NT5C2: variants seen among roughly 807,000 people sequenced by gnomAD.
NT5C2 encodes the protein cytosolic purine 5'-nucleotidase.
In NT5C2, 58 loss-of-function variants were observed where a neutral mutation model predicts 76.1. That is an observed-to-expected ratio of 0.76 (90% CI 0.62 to 0.95). The LOEUF is 0.95. Among genes scored for constraint, NT5C2 ranks in the 40% least tolerant of loss-of-function variants. The pLI is 0.00. For synonymous variants in NT5C2, 229 were observed against 237.4 expected (o/e 0.96, Z 0.32); for missense variants, 478 against 690.3 (o/e 0.69, Z 3.45).
chr10:103,184,643 GC>G (rs937177990), intron 1 of NT5C2, among the ~76,000 whole-genome samples: 47 of 152,302 alleles, frequency 3.1e-4, no homozygotes, highest in East Asian at 7.7e-4. Flanking sequence ...CTTTTCAGAA[GC>G]CTATTTTTGT....
At chr10:103,109,743 A>G (rs2072430894) in intron 4 of NT5C2, among the ~76,000 whole-genome samples, 1 of 152,198 alleles carries the variant, frequency 6.6e-6, no homozygotes, top group South Asian at 2.1e-4. Context: ...TTAGGTAACT[A>G]TAGAGCAATG....
At chr10:103,104,974 A>G (rs2070822794) in intron 6 of NT5C2, among the ~76,000 whole-genome samples, 1 of 152,226 alleles carries the variant, frequency 6.6e-6, no homozygotes, top group African/African-American at 2.4e-5. Context: ...GTGGCATAAC[A>G]GTAGAGAAAA....
At chr10:103,130,624 A>T (rs569671433) in intron 4 of NT5C2, among the ~76,000 whole-genome samples, 2 of 151,088 alleles carry the variant, frequency 1.3e-5, no homozygotes, top group African/African-American at 2.4e-5. Context: ...ACAAGTTTAG[A>T]ATTATTATAT....
intron 11 of NT5C2, 87 bp from the exon 12 acceptor site, chr10:103,096,067 ATG>A: frequency 9.9e-7 from 1 of 1,011,718 alleles, no homozygotes; most frequent in East Asian, 2.4e-5. Flanking sequence ...TTCACAAAAC[ATG>A]TCTTTTTCAA....
intron 4 of NT5C2, among the ~76,000 whole-genome samples, chr10:103,114,820 T>G (rs945383219): frequency 2.0e-5 from 3 of 152,232 alleles, no homozygotes; most frequent in Non-Finnish European, 2.9e-5. Flanking sequence ...CGTCTGAATC[T>G]GATTTCTTCA....
intron 4 of NT5C2, among the ~76,000 whole-genome samples, chr10:103,113,539 CCTATA>C (rs1376798213): frequency 1.3e-5 from 2 of 151,676 alleles, no homozygotes; most frequent in Non-Finnish European, 1.5e-5. Flanking sequence ...CACTCAAATG[CCTATA>C]CTAAAGTTAG....
intron 3 of NT5C2, among the ~76,000 whole-genome samples, chr10:103,142,161 GA>G (rs1203929931): frequency 6.6e-6 from 1 of 152,072 alleles, no homozygotes; most frequent in Non-Finnish European, 1.5e-5. Flanking sequence ...ATGGGGGAAG[GA>G]GCAATAAAAG....
intron 4 of NT5C2, among the ~76,000 whole-genome samples, chr10:103,129,392 T>C (rs1248637480): frequency 1.2e-5 from 1 of 82,608 alleles, no homozygotes; most frequent in Non-Finnish European, 2.4e-5. Context: ...GTCTGGGAGG[T>C]GAGGGGCGCC....
intron 3 of NT5C2, among the ~76,000 whole-genome samples, chr10:103,157,224 G>C (rs1211962047): frequency 1.3e-5 from 2 of 151,790 alleles, no homozygotes; most frequent in Non-Finnish European, 2.9e-5. Context: ...CCCTAACCAT[G>C]CTGTAGAGAA....
chr10:103,089,981 T>G, intron 18 of NT5C2, 73 bp from the exon 19 acceptor site: 1 of 1,252,992 alleles, frequency 8.0e-7, no homozygotes, highest in Non-Finnish European at 1.1e-6. Flanking sequence ...CTAACCCCTC[T>G]CCTCTGTTAG....
chr10:103,126,742 C>A, intron 4 of NT5C2, among the ~76,000 whole-genome samples: 1 of 152,216 alleles, frequency 6.6e-6, no homozygotes, highest in East Asian at 1.9e-4. Context: ...CATCTGTACT[C>A]GACAGACAAA....
chr10:103,151,254 C>T (rs1233289016), intron 3 of NT5C2, among the ~76,000 whole-genome samples: 1 of 151,856 alleles, frequency 6.6e-6, no homozygotes, highest in African/African-American at 2.4e-5. Context: ...CATCTGAGGT[C>T]GGGAGTTCGA....
At chr10:103,090,911 T>C (rs780224964) in intron 17 of NT5C2, 25 bp downstream of exon 17, 2 of 1,611,804 alleles carry the variant, frequency 1.2e-6, no homozygotes, top group Admixed American at 3.3e-5. Flanking sequence ...TTTCCCAAGT[T>C]TTCTCCCAAA....
At chr10:103,140,585 G>A (rs1291295398) in intron 3 of NT5C2, among the ~76,000 whole-genome samples, 1 of 152,188 alleles carries the variant, frequency 6.6e-6, no homozygotes, top group Non-Finnish European at 1.5e-5. Flanking sequence ...TCATATGGCA[G>A]CTGTATTTTC....
chr10:103,143,347 C>G (rs2080879452), intron 3 of NT5C2, among the ~76,000 whole-genome samples: 1 of 152,094 alleles, frequency 6.6e-6, no homozygotes, highest in African/African-American at 2.4e-5. Flanking sequence ...AAAAAGCCTC[C>G]ACTGGGATAC....
intron 4 of NT5C2, chr10:103,111,771 G>A: frequency 8.1e-7 from 1 of 1,232,074 alleles, no homozygotes; most frequent in Non-Finnish European, 1.0e-6. Context: ...TGCAGTGTGT[G>A]TCACTCCAGT....
At chr10:103,117,885 G>T (rs2074731850) in intron 4 of NT5C2, among the ~76,000 whole-genome samples, 1 of 152,132 alleles carries the variant, frequency 6.6e-6, no homozygotes, top group South Asian at 2.1e-4. Context: ...GAATAAATGG[G>T]GAAAACGAGC....
chr10:103,185,762 C>T (rs532906740), intron 1 of NT5C2, among the ~76,000 whole-genome samples: 1 of 151,344 alleles, frequency 6.6e-6, no homozygotes, highest in Admixed American at 6.6e-5. Flanking sequence ...TTTGGTTTAG[C>T]TCTTATTTTT....
At chr10:103,180,743 C>CA (rs2090907876) in intron 2 of NT5C2, among the ~76,000 whole-genome samples, 1 of 151,868 alleles carries the variant, frequency 6.6e-6, no homozygotes, top group South Asian at 2.1e-4. Context: ...AACTTATACA[C>CA]AAATGTTCTT....
Sources: allele counts gnomAD v4.1 joint callset (sites outside exome capture counted in the v4.1 genomes callset), GRCh38; gene constraint gnomAD v4.1.1; transcripts MANE v1.5; gene names NCBI Gene and HGNC (gene_info 2026-07-23, HGNC 2026-07-21).